Variants in ZP3 observed in about 807,000 individuals in gnomAD.
The protein encoded by ZP3 is zona pellucida glycoprotein 3, also known as zona pellucida sperm-binding protein 3.
In ZP3, 21 loss-of-function variants were observed where a neutral mutation model predicts 35.6. That is an observed-to-expected ratio of 0.59 (90% CI 0.42 to 0.85). ZP3 has a LOEUF of 0.85. ZP3 is among the 40% of genes least tolerant of loss of function. The probability of loss-of-function intolerance (pLI) is 0.00; values close to 1 mark genes in which losing one functional copy is unlikely to be tolerated. For synonymous variants in ZP3, 207 were observed against 214.5 expected, an observed-to-expected ratio of 0.96 and a Z score of 0.31; for missense variants, 437 against 536.5, an observed-to-expected ratio of 0.81 and a Z score of 1.83.
intron 1 of ZP3, among the ~76,000 whole-genome samples, chr7:76,415,844 C>G (rs533275460): frequency 6.6e-6 from 1 of 151,626 alleles, no homozygotes; most frequent in Non-Finnish European, 1.5e-5. Flanking sequence ...AAAAAGCAGG[C>G]TAGGGCTAGC....
chr7:76,413,157 T>A (rs1255920802), intron 1 of ZP3, among the ~76,000 whole-genome samples: 1 of 149,874 alleles, frequency 6.7e-6, no homozygotes, highest in African/African-American at 2.5e-5. Context: ...GAGACGGGGT[T>A]TCATCATGTT....
intron 1 of ZP3, among the ~76,000 whole-genome samples, chr7:76,427,325 G>A (rs1450836032): frequency 2.0e-5 from 3 of 152,012 alleles, no homozygotes; most frequent in Non-Finnish European, 4.4e-5. Context: ...GACCAGCCTG[G>A]CCACGATGGT....
intron 1 of ZP3, among the ~76,000 whole-genome samples, chr7:76,399,638 C>T (rs1206718893): frequency 6.6e-6 from 1 of 152,040 alleles, no homozygotes; most frequent in Non-Finnish European, 1.5e-5. Flanking sequence ...CAGACTCCAG[C>T]GATCCTCCCT....
In ZP3 at chr7:76,398,754, A is replaced by G. The variant is rs141271279; in HGVS notation, c.-67+957A>G. On this transcript the variant is annotated intron_variant, in intron 1 of 8. Transcript: ENST00000336517. The stretch of plus-strand genomic sequence containing the variant: ...TCGGCAGTGTCGTAGGAGGTGCTCT[A>G]CTGGTTAACATCTTCCTTGTTGGGG... 2.7e-5 allele frequency: 43 copies of G among 1,613,504 alleles called. No individual in the cohort carries two copies. The African/African-American group carries it at 5.3e-4, about 20-fold the overall frequency.
At chr7:76,406,632 C>A (rs1805043728) in intron 1 of ZP3, among the ~76,000 whole-genome samples, 1 of 151,802 alleles carries the variant, frequency 6.6e-6, no homozygotes, top group African/African-American at 2.4e-5. Context: ...TGCAGGCTTG[C>A]ACCACCACAC....
At chr7:76,412,855 GAA>G (rs1336494121) in intron 1 of ZP3, among the ~76,000 whole-genome samples, 3 of 121,436 alleles carry the variant, frequency 2.5e-5, no homozygotes, top group African/African-American at 3.0e-5. Context: ...GTCTCAGAAA[GAA>G]AAAAAAAAAA....
chr7:76,424,491 C>T (rs765112281), upstream of ZP3, among the ~76,000 whole-genome samples: 10 of 152,106 alleles, frequency 6.6e-5, no homozygotes, highest in Non-Finnish European at 1.5e-4. Context: ...TAGCCAGGCG[C>T]GGTGGCGCAT....
chr7:76,436,081 G>T (rs1183711603), intron 5 of ZP3, among the ~76,000 whole-genome samples: 11 of 84,256 alleles, frequency 1.3e-4, no homozygotes, highest in Non-Finnish European at 2.2e-4. Context: ...TTTTTGAGAG[G>T]GTCTCTGTCA....
At chr7:76,403,219 T>C (rs984757104) in intron 1 of ZP3, among the ~76,000 whole-genome samples, 1 of 152,130 alleles carries the variant, frequency 6.6e-6, no homozygotes, top group African/African-American at 2.4e-5. Flanking sequence ...CCAGGCAAAA[T>C]GGAAAGCCGG....
At chr7:76,423,048 A>AAAGAAAGAAAGAAAGT (rs1805555787), upstream of ZP3, among the ~76,000 whole-genome samples, 1 of 145,428 alleles carries the variant, frequency 6.9e-6, no homozygotes, top group Non-Finnish European at 1.5e-5. Context: ...AGAAAGAAAG[A>AAAGAAAGAAAGAAAGT]AAGAAAGAAA....
intron 1 of ZP3, among the ~76,000 whole-genome samples, chr7:76,413,847 T>C (rs145836727): frequency 0.014 from 2,115 of 152,022 alleles, 27 homozygotes; most frequent in Middle Eastern, 0.027. Context: ...TTGTATTTTT[T>C]GAAGAGACAA....
intron 1 of ZP3, chr7:76,401,068 T>C (rs1182205168): frequency 6.5e-7 from 1 of 1,534,208 alleles, no homozygotes; most frequent in East Asian, 2.5e-5. Context: ...GGAAGAGCAT[T>C]GGCCCCTCTG....
At chr7:76,437,391 G>T (rs531120302) in intron 5 of ZP3, among the ~76,000 whole-genome samples, 3 of 151,858 alleles carry the variant, frequency 2.0e-5, no homozygotes, top group Non-Finnish European at 4.4e-5. Context: ...GGTCAGGCTG[G>T]TCTTAAACTC....
intron 1 of ZP3, among the ~76,000 whole-genome samples, chr7:76,405,345 T>TCTTTC (rs1364831511): frequency 2.9e-5 from 3 of 105,136 alleles, no homozygotes; most frequent in Non-Finnish European, 4.0e-5. Context: ...CTTTCTTTTT[T>TCTTTC]TTTTTTTTTT....
At position 76,405,920 on chromosome 7, in the gene ZP3, C is replaced by G. The variant is rs530568630; in HGVS notation, c.-67+8123C>G. Among the ~76,000 whole-genome samples, 12 of 152,072 alleles carry G rather than the reference C, an allele frequency of 7.9e-5. No individual in the cohort carries two copies. The South Asian group carries it at 2.5e-3, about 32-fold the overall frequency. On this transcript the variant is annotated intron_variant, in intron 1 of 8. Coordinates refer to the ZP3 transcript ENST00000336517. ...CTTCTGTCCCTCCTTCCCTCCCTCTCTCCCTTTCTTGCCTCCCTCCCTTTC... is the reference window on the plus strand; with the variant it reads ...CTTCTGTCCCTCCTTCCCTCCCTCTGTCCCTTTCTTGCCTCCCTCCCTTTC...
At chr7:76,406,932 G>A (rs755092229) in intron 1 of ZP3, among the ~76,000 whole-genome samples, 2 of 151,560 alleles carry the variant, frequency 1.3e-5, no homozygotes, top group African/African-American at 2.4e-5. Context: ...TCATTTTATT[G>A]GCACATTTCT....
At chr7:76,415,966 C>T (rs145666630) in intron 1 of ZP3, among the ~76,000 whole-genome samples, 11,378 of 150,362 alleles carry the variant, frequency 0.076, 992 homozygotes, top group African/African-American at 0.21. Context: ...CCCGTCTCTA[C>T]TAAAAATACA....
In ZP3 at chr7:76,440,352, C is replaced by T. The variant is rs1235499633; in HGVS notation, c.923+11C>T. 1 of 1,601,666 alleles carries T rather than the reference C, an allele frequency of 6.2e-7. No individual in the cohort carries two copies. Among genetic ancestry groups the T allele is most frequent in the South Asian group, 1.1e-5 (1 of 90,314 alleles). ...CAAGCCTTCCAACAGGTGAGGAGGA[C>T]AGGTGCTCCGTGACTGGAGTAGAAA... On this transcript the variant is annotated intron_variant, in intron 6 of 7. Coordinates refer to ENST00000394857, the MANE Select transcript of ZP3 (RefSeq NM_001110354.2).
chr7:76,418,600 T>TA (rs1805433668), intron 1 of ZP3, among the ~76,000 whole-genome samples: 1 of 127,978 alleles, frequency 7.8e-6, no homozygotes, highest in African/African-American at 3.0e-5. Flanking sequence ...CTCACACCTA[T>TA]AATCCCAGCA....
Sources: gnomAD v4.1 joint callset for allele counts (sites outside exome capture counted in the v4.1 genomes callset) on GRCh38, gnomAD v4.1.1 for gene constraint, MANE v1.5 for transcripts, NCBI Gene and HGNC (gene_info 2026-07-23, HGNC 2026-07-21) for gene names.